SPATA6: variants seen among roughly 807,000 people sequenced by gnomAD.
SPATA6 encodes spermatogenesis associated 6.
SPATA6 carries 56 observed loss-of-function variants against 65.3 expected under a neutral mutation model. The observed-to-expected ratio is 0.86, with a 90% CI of 0.69 to 1.07. The LOEUF is 1.07. Among genes scored for constraint, SPATA6 ranks in the 50% least tolerant of loss-of-function variants. The pLI is 0.00. For synonymous variants in SPATA6, 199 were observed against 213.2 expected (o/e 0.93, Z 0.58); for missense variants, 590 against 594.8 (o/e 0.99, Z 0.08).
At chr1:48,340,510 A>T (rs914315014) in intron 11 of SPATA6, among the ~76,000 whole-genome samples, 3 of 116,222 alleles carry the variant, frequency 2.6e-5, no homozygotes, top group Non-Finnish European at 3.9e-5. Context: ...AAAAATTGGT[A>T]AAAAAAATTG....
intron 3 of SPATA6, among the ~76,000 whole-genome samples, chr1:48,416,570 T>C (rs1454075440): frequency 6.6e-6 from 1 of 152,176 alleles, no homozygotes; most frequent in African/African-American, 2.4e-5. Flanking sequence ...ATAAAACACG[T>C]AAGCCAGATG....
intron 11 of SPATA6, among the ~76,000 whole-genome samples, chr1:48,320,644 T>A (rs1645574315): frequency 6.6e-6 from 1 of 152,206 alleles, no homozygotes; most frequent in African/African-American, 2.4e-5. Context: ...AAGAAAAGGA[T>A]GTTAATGAGC....
chr1:48,472,167 G>C lies in SPATA6; in HGVS notation c.-159C>G. The stretch of plus-strand genomic sequence containing the variant: ...CCGCGGTCCAGCCTGGGTTCCGCCG[G>C]AGAAGCAGCTGAGCGCGGGGCGCAG... On this transcript the variant is annotated 5_prime_UTR_variant, in exon 1 of 13. Transcript: ENST00000371847. The C allele has an allele frequency of 3.5e-6, 2 of 569,706 alleles. No homozygotes were observed. Among genetic ancestry groups the C allele is most frequent in the Middle Eastern group, 4.7e-4 (1 of 2,122 alleles). 35.3% of individuals were successfully genotyped at this position (569,706 alleles called of 1,614,324 possible).
At chr1:48,444,359 G>A (rs1441858478) in intron 3 of SPATA6, among the ~76,000 whole-genome samples, 1 of 150,368 alleles carries the variant, frequency 6.7e-6, no homozygotes, top group Non-Finnish European at 1.5e-5. Context: ...TCCAGCTGAA[G>A]GACTGTAAAT....
Position 48,387,176 on chromosome 1 carries a change from TACTC to T in SPATA6, c.869-1831_869-1828del, listed in dbSNP as rs1468010040. Among the ~76,000 whole-genome samples the T allele has an allele frequency of 9.2e-5, 14 of 152,204 alleles. No homozygotes were observed. In the East Asian group the frequency reaches 1.9e-3, roughly 21 times the overall value. ...TAAAATCATTAGATCTCGTGAGACT[TACTC>T]ACTCTCATGAGAACAGCATGGGAAA... On this transcript the variant is annotated intron_variant, in intron 8 of 12. Coordinates refer to ENST00000371847, the MANE Select transcript of SPATA6 (RefSeq NM_019073.4).
chr1:48,413,165 G>GA lies in SPATA6; in HGVS notation c.239-15dup. 7.1e-7 allele frequency: 1 copy of GA among 1,409,944 alleles called. No homozygotes were observed. The highest frequency in any genetic ancestry group is 1.6e-5 in the South Asian group (1 of 62,044). 87.3% of individuals were successfully genotyped at this position (1,409,944 alleles called of 1,614,324 possible). A position where few individuals can be genotyped will look rare whatever the true frequency, so the allele number is the denominator to read the frequency against. The stretch of plus-strand genomic sequence containing the variant: ...CTGCTGTATCATCTAAAAGTTTAAA[G>GA]AAAAATTTCCTTAAATAAACAAATT... On this transcript the variant is annotated splice_polypyrimidine_tract_variant and intron_variant, in intron 3 of 12. Coordinates refer to ENST00000371847, the MANE Select transcript of SPATA6 (RefSeq NM_019073.4).
intron 3 of SPATA6, among the ~76,000 whole-genome samples, chr1:48,449,956 T>G (rs1656410476): frequency 6.6e-6 from 1 of 152,192 alleles, no homozygotes; most frequent in African/African-American, 2.4e-5. Context: ...ATATTGAAGC[T>G]GGGTGACAGA....
At chr1:48,441,591 C>T (rs1314595896) in intron 3 of SPATA6, among the ~76,000 whole-genome samples, 3 of 151,716 alleles carry the variant, frequency 2.0e-5, no homozygotes, top group African/African-American at 7.3e-5. Context: ...CTGGAAGGAA[C>T]AAACTCAAGC....
chr1:48,373,673 CA>C (rs1647561551), intron 9 of SPATA6, among the ~76,000 whole-genome samples: 3 of 152,206 alleles, frequency 2.0e-5, no homozygotes, highest in African/African-American at 7.2e-5. Context: ...GTTTGACTTA[CA>C]GTTCCACATG....
chr1:48,358,053 G>A (rs1646706431), intron 10 of SPATA6, among the ~76,000 whole-genome samples: 1 of 151,992 alleles, frequency 6.6e-6, no homozygotes, highest in Non-Finnish European at 1.5e-5. Flanking sequence ...CTATCATCCT[G>A]AGTGAAAATA....
chr1:48,430,108 T>C (rs1654259995), intron 3 of SPATA6, among the ~76,000 whole-genome samples: 2 of 152,076 alleles, frequency 1.3e-5, no homozygotes, highest in South Asian at 4.1e-4. Context: ...TTCTCAAATT[T>C]GATGAATGAA....
At chr1:48,447,630 A>T (rs77897108) in intron 3 of SPATA6, among the ~76,000 whole-genome samples, 8,733 of 152,280 alleles carry the variant, frequency 0.057, 373 homozygotes, top group African/African-American at 0.11. Flanking sequence ...GCACTGGAAC[A>T]TCCTCAAGAT....
intron 11 of SPATA6, among the ~76,000 whole-genome samples, chr1:48,312,443 G>A (rs921950109): frequency 1.3e-5 from 2 of 152,150 alleles, no homozygotes; most frequent in African/African-American, 4.8e-5. Flanking sequence ...ATAGGGTCTG[G>A]AATGGACCTC....
intron 9 of SPATA6, among the ~76,000 whole-genome samples, chr1:48,362,743 A>C (rs1314887514): frequency 2.6e-5 from 4 of 152,154 alleles, no homozygotes; most frequent in Non-Finnish European, 5.9e-5. Flanking sequence ...TCAAAGCCAT[A>C]AGTAGAGGAA....
chr1:48,318,995 G>A (rs1317722849), intron 11 of SPATA6, among the ~76,000 whole-genome samples: 2 of 152,092 alleles, frequency 1.3e-5, no homozygotes, highest in Non-Finnish European at 2.9e-5. Context: ...TTTTTATAAA[G>A]ATGCCAAGAC....
chr1:48,421,286 T>C (rs919831437), intron 3 of SPATA6, among the ~76,000 whole-genome samples: 4 of 150,140 alleles, frequency 2.7e-5, no homozygotes, highest in Admixed American at 6.6e-5. Context: ...TATAAATGTA[T>C]TAAAATTTCA....
chr1:48,293,910 C>T (rs1027753846), downstream of SPATA6, among the ~76,000 whole-genome samples: 2 of 152,048 alleles, frequency 1.3e-5, no homozygotes, highest in Non-Finnish European at 2.9e-5. Flanking sequence ...GAATATTTTG[C>T]GAATGGGTGA....
intron 3 of SPATA6, among the ~76,000 whole-genome samples, chr1:48,445,338 C>T (rs1655910414): frequency 6.6e-6 from 1 of 152,254 alleles, no homozygotes; most frequent in Admixed American, 6.5e-5. Context: ...CCCTCCTTTC[C>T]CCTTCCATTA....
intron 11 of SPATA6, among the ~76,000 whole-genome samples, chr1:48,331,948 C>T (rs189018519): frequency 2.0e-5 from 3 of 152,284 alleles, no homozygotes; most frequent in African/African-American, 7.2e-5. Flanking sequence ...AAATTCCAAC[C>T]ATGAATTTCA....
Sources: allele counts gnomAD v4.1 joint callset (sites outside exome capture counted in the v4.1 genomes callset), GRCh38; gene constraint gnomAD v4.1.1; transcripts MANE v1.5; gene names NCBI Gene and HGNC (gene_info 2026-07-23, HGNC 2026-07-21).